The following PDCD1 variants were observed in gnomAD, a reference collection of about 807,000 sequenced individuals.
PDCD1 encodes the protein programmed cell death protein 1.
PDCD1 carries 10 observed loss-of-function variants against 23.6 expected under a neutral mutation model. That is an observed-to-expected ratio of 0.42 (90% CI 0.26 to 0.72). The LOEUF is 0.72. Ranked by LOEUF, PDCD1 falls within the 30% of genes least tolerant of loss-of-function variation. PDCD1 has a pLI of 0.24. For missense variants in PDCD1, 313 were observed against 397.8 expected, an observed-to-expected ratio of 0.79 and a Z score of 1.81; for synonymous variants, 168 against 169.3, an observed-to-expected ratio of 0.99 and a Z score of 0.06.
intron 1 of PDCD1, 33 bp from the exon 2 acceptor site, chr2:241,853,013 G>C: frequency 6.5e-7 from 1 of 1,528,362 alleles, no homozygotes; most frequent in Non-Finnish European, 8.8e-7. Flanking sequence ...GAAGGGGCTG[G>C]GTGGCCCCAC....
At position 241,851,062 on chromosome 2, in the gene PDCD1, AG is replaced by A. The variant is rs1452312939; in HGVS notation, c.862del (p.Leu288SerfsTer133). The A allele has an allele frequency of 1.9e-6, 3 of 1,609,544 alleles. No individual in the cohort carries two copies. The highest frequency in any genetic ancestry group is 2.5e-6 in the Non-Finnish European group (3 of 1,177,646). On this transcript the variant is annotated frameshift_variant, in exon 5 of 5. Transcript: ENST00000334409. LOFTEE classifies it high-confidence loss of function. ...RPEDGHCSWP[L>X] ...ACTGGTGGCCAAGGAAGCCGGTCAG[AG>A]GGGCCAAGAGCAGTGTCCATCCTCA... is the stretch of plus-strand genomic sequence containing the variant.
At position 241,851,929 on chromosome 2, in the gene PDCD1, A is replaced by C; in HGVS notation, c.627+20T>G. On this transcript the variant is annotated intron_variant, in intron 4 of 4. Transcript: ENST00000334409. ...GGAAGGAAGGCACAGTGGATCATGC[A>C]GGAAAAGAGTGAGACTCACCAGGGG... is the stretch of plus-strand genomic sequence containing the variant. 1 of 1,612,594 alleles carries C rather than the reference A, an allele frequency of 6.2e-7. No homozygotes were observed. The highest frequency in any genetic ancestry group is 1.7e-4 in the Middle Eastern group (1 of 6,058).
At chr2:241,855,386 C>A (rs1701000834) in intron 1 of PDCD1, among the ~76,000 whole-genome samples, 1 of 152,174 alleles carries the variant, frequency 6.6e-6, no homozygotes, top group Non-Finnish European at 1.5e-5. Context: ...CCTGGCCTCC[C>A]TTGGCTGGTA....
chr2:241,853,495 G>T (rs907706536), intron 1 of PDCD1, among the ~76,000 whole-genome samples: 3 of 152,276 alleles, frequency 2.0e-5, no homozygotes, highest in African/African-American at 7.2e-5. Context: ...GGACCACGTG[G>T]TATGGGCATT....
At chr2:241,855,765 C>T (rs1212256069) in intron 1 of PDCD1, among the ~76,000 whole-genome samples, 2 of 152,200 alleles carry the variant, frequency 1.3e-5, no homozygotes, top group Non-Finnish European at 1.5e-5. Context: ...AGGAAACCGT[C>T]CCACGGGCTG....
intron 1 of PDCD1, among the ~76,000 whole-genome samples, chr2:241,855,652 T>C (rs968820565): frequency 2.0e-5 from 3 of 152,108 alleles, no homozygotes; most frequent in African/African-American, 7.2e-5. Context: ...TTACAGGACA[T>C]TGCTTTCCAG....
chr2:241,855,338 T>A (rs1701000101), intron 1 of PDCD1, among the ~76,000 whole-genome samples: 1 of 152,040 alleles, frequency 6.6e-6, no homozygotes, highest in Non-Finnish European at 1.5e-5. Context: ...AGGGCCTGCC[T>A]CACCCCAGTC....
intron 3 of PDCD1, 60 bp from the exon 4 acceptor site, chr2:241,852,043 G>A (rs545767534): frequency 1.3e-6 from 2 of 1,567,892 alleles, no homozygotes; most frequent in South Asian, 2.3e-5. Flanking sequence ...CTAGGTGGGG[G>A]GTCTTAGTCC....
At chr2:241,857,432 G>A (rs28539662) in intron 1 of PDCD1, among the ~76,000 whole-genome samples, 43,917 of 152,010 alleles carry the variant, frequency 0.29, 7,192 homozygotes, top group East Asian at 0.54. Context: ...CGTCCCGAGG[G>A]CGTGCCTGAA....
At chr2:241,856,506 T>C (rs1701031721) in intron 1 of PDCD1, among the ~76,000 whole-genome samples, 1 of 152,234 alleles carries the variant, frequency 6.6e-6, no homozygotes, top group Admixed American at 6.5e-5. Context: ...AAAATCTGAC[T>C]TCAAAAGTTT....
rs773964049 is a variant in PDCD1 at position 241,852,804 on chromosome 2, C to T, written c.253G>A (p.Asp85Asn). 1 of 1,613,502 alleles carries T rather than the reference C, an allele frequency of 6.2e-7. No homozygotes were observed. Among genetic ancestry groups the T allele is most frequent in the Admixed American group, 1.7e-5 (1 of 60,012 alleles). Residue 85 changes from aspartate to asparagine, a missense_variant, in exon 2 of 5, where the codon GAC becomes AAC. By Grantham distance (23) the Asp-to-Asn change is conservative. Coordinates refer to ENST00000334409, the MANE Select transcript of PDCD1 (RefSeq NM_005018.3). ...QTDKLAAFPE[D>N]RSQPGQDCRF... is the part of the protein sequence containing the mutation. The stretch of plus-strand genomic sequence containing the variant: ...CAGTCCTGGCCGGGCTGGCTGCGGT[C>T]CTCGGGGAAGGCGGCCAGCTTGTCC...
Position 241,852,709 on chromosome 2 carries a change from A to G in PDCD1, c.348T>C (p.Asn116=). ...FHMSVVRARR[N]DSGTYLCGAI... is the part of the protein sequence containing the mutation. ...CCCCACAGAGGTAGGTGCCGCTGTC[A>G]TTGCGCCGGGCCCTGACCACGCTCA... Residue 116 remains asparagine, a synonymous_variant, in exon 2 of 5, where the codon AAT becomes AAC. Coordinates refer to ENST00000334409, the MANE Select transcript of PDCD1 (RefSeq NM_005018.3). 1 of 1,613,686 alleles carries G rather than the reference A, an allele frequency of 6.2e-7. No homozygotes were observed. The highest frequency in any genetic ancestry group is 8.5e-7 in the Non-Finnish European group (1 of 1,179,928).
chr2:241,852,032 C>T (rs1700912813), intron 3 of PDCD1, 49 bp from the exon 4 acceptor site: 2 of 1,588,714 alleles, frequency 1.3e-6, no homozygotes, highest in Non-Finnish European at 1.7e-6. Context: ...GAGCCGTGCT[C>T]CTAGGTGGGG....
chr2:241,850,948 C>T lies in PDCD1; in HGVS notation c.*110G>A. 1 of 1,409,178 alleles carries T rather than the reference C, an allele frequency of 7.1e-7. No individual in the cohort carries two copies. Among genetic ancestry groups the T allele is most frequent in the Non-Finnish European group, 9.5e-7 (1 of 1,050,264 alleles). 87.3% of individuals were successfully genotyped at this position (1,409,178 alleles called of 1,614,324 possible). ...CCCCGGTCGCCCCCAGGCAGCTCAG[C>T]CCCTGGACGGCCTGCAATGGCCTGC... On this transcript the variant is annotated 3_prime_UTR_variant, in exon 5 of 5. Transcript: ENST00000334409.
At chr2:241,853,082 C>T in intron 1 of PDCD1, 102 bp from the exon 2 acceptor site, 1 of 1,351,938 alleles carries the variant, frequency 7.4e-7, no homozygotes, top group Non-Finnish European at 9.9e-7. Context: ...GGAAGGGCCA[C>T]CCCAGCTGGA....
intron 2 of PDCD1, 99 bp downstream of exon 2, chr2:241,852,522 C>G: frequency 7.0e-7 from 1 of 1,428,168 alleles, no homozygotes; most frequent in Non-Finnish European, 9.4e-7. Context: ...TGGGGGGTCC[C>G]TGCCCTACGA....
chr2:241,852,379 T>C (rs1300503309), intron 2 of PDCD1, 26 bp from the exon 3 acceptor site: 4 of 1,477,312 alleles, frequency 2.7e-6, no homozygotes, highest in South Asian at 2.3e-5. Context: ...GGTCAGGGGT[T>C]AGGACGGGGT....
intron 1 of PDCD1, 86 bp downstream of exon 1, chr2:241,858,677 A>G (rs1701075673): frequency 8.2e-7 from 1 of 1,217,624 alleles, no homozygotes; most frequent in South Asian, 1.3e-5. Flanking sequence ...GGCCCGCCTC[A>G]GCACCCCCCG....
At chr2:241,858,620 G>T in intron 1 of PDCD1, 143 bp downstream of exon 1, 1 of 716,366 alleles carries the variant, frequency 1.4e-6, no homozygotes, top group East Asian at 2.7e-5. Context: ...GAGAGTGAAA[G>T]GTCCCTCCAG....
Sources: allele counts gnomAD v4.1 joint callset (sites outside exome capture counted in the v4.1 genomes callset), GRCh38; gene constraint gnomAD v4.1.1; transcripts MANE v1.5; gene names NCBI Gene and HGNC (gene_info 2026-07-23, HGNC 2026-07-21).